Variants in DOCK8 observed in about 807,000 individuals in gnomAD.
The protein encoded by DOCK8 is dedicator of cytokinesis protein 8.
In DOCK8, 141 loss-of-function variants were observed where a neutral mutation model predicts 245.6. The observed-to-expected ratio is 0.57, with a 90% CI of 0.50 to 0.66. The LOEUF (loss-of-function observed/expected upper bound fraction) is 0.66, where lower values mean the gene tolerates loss of function less well. Ranked by LOEUF, DOCK8 falls within the 30% of genes least tolerant of loss-of-function variation. The probability of loss-of-function intolerance (pLI) is 0.00; values close to 1 mark genes in which losing one functional copy is unlikely to be tolerated. For synonymous variants in DOCK8, 1,168 were observed against 970.2 expected (o/e 1.20, Z -3.79); for missense variants, 2,965 against 2,603.4 (o/e 1.14, Z -3.02).
chr9:353,320 T>A (rs780206237), intron 14 of DOCK8, among the ~76,000 whole-genome samples: 41 of 152,188 alleles, frequency 2.7e-4, no homozygotes, highest in Admixed American at 1.3e-4. Context: ...ACCTGCTGCT[T>A]CCCCTGATTC....
intron 1 of DOCK8, among the ~76,000 whole-genome samples, chr9:263,827 A>G (rs932406912): frequency 1.6e-4 from 24 of 152,206 alleles, no homozygotes; most frequent in African/African-American, 5.5e-4. Flanking sequence ...TGTTGGTTGC[A>G]TTATTACACT....
At chr9:254,153 G>A (rs2047715577) in intron 1 of DOCK8, among the ~76,000 whole-genome samples, 1 of 152,082 alleles carries the variant, frequency 6.6e-6, no homozygotes, top group African/African-American at 2.4e-5. Context: ...CCAGACCCAG[G>A]GCAGAATTTG....
intron 14 of DOCK8, among the ~76,000 whole-genome samples, chr9:359,803 C>CA (rs67236172): frequency 0.042 from 4,575 of 107,966 alleles, 122 homozygotes; most frequent in East Asian, 0.15. Context: ...TCTGTCTTTG[C>CA]AAAAAAAAAA....
At chr9:332,104 A>G (rs887046011) in intron 9 of DOCK8, among the ~76,000 whole-genome samples, 3 of 152,224 alleles carry the variant, frequency 2.0e-5, no homozygotes, top group African/African-American at 7.2e-5. Context: ...AAATACACAT[A>G]AGCAATGGGA....
At chr9:285,273 G>A (rs2048770840) in intron 2 of DOCK8, among the ~76,000 whole-genome samples, 1 of 152,104 alleles carries the variant, frequency 6.6e-6, no homozygotes, top group South Asian at 2.1e-4. Flanking sequence ...CTCTTCAACA[G>A]CGCTTTGTCT....
chr9:244,251 A>G (rs1041285735), intron 1 of DOCK8, among the ~76,000 whole-genome samples: 1 of 151,082 alleles, frequency 6.6e-6, no homozygotes, highest in Non-Finnish European at 1.5e-5. Flanking sequence ...ATGAAAATAC[A>G]CTTTACAATC....
At chr9:239,212 G>T (rs2047328132) in intron 1 of DOCK8, among the ~76,000 whole-genome samples, 1 of 152,140 alleles carries the variant, frequency 6.6e-6, no homozygotes, top group Non-Finnish European at 1.5e-5. Flanking sequence ...CACACGCATG[G>T]CCGCACACAC....
chr9:373,709 C>G (rs1210455170), intron 18 of DOCK8, among the ~76,000 whole-genome samples: 1 of 152,094 alleles, frequency 6.6e-6, no homozygotes, highest in Non-Finnish European at 1.5e-5. Context: ...TTTCTTTTTT[C>G]CTTAAAGAGA....
chr9:379,565 G>T (rs1248304682), intron 20 of DOCK8, among the ~76,000 whole-genome samples: 1 of 152,150 alleles, frequency 6.6e-6, no homozygotes, highest in Non-Finnish European at 1.5e-5. Context: ...TCAGTGGCAG[G>T]AGGAGGAAGT....
intron 21 of DOCK8, 103 bp from the exon 22 acceptor site, chr9:382,410 C>T (rs748428): frequency 9.1e-5 from 136 of 1,489,630 alleles, no homozygotes; most frequent in East Asian, 8.4e-4. Flanking sequence ...AGGCCTAATC[C>T]GGTGGCTTTT....
intron 11 of DOCK8, among the ~76,000 whole-genome samples, 193 bp downstream of exon 11, chr9:334,577 G>A (rs927276383): frequency 6.6e-6 from 1 of 152,276 alleles, no homozygotes; most frequent in South Asian, 2.1e-4. Context: ...AAATTATCAC[G>A]AACATTGGTG....
intron 1 of DOCK8, among the ~76,000 whole-genome samples, chr9:241,990 A>G (rs2047384511): frequency 6.6e-6 from 1 of 152,224 alleles, no homozygotes; most frequent in South Asian, 2.1e-4. Flanking sequence ...TCCACAAAGA[A>G]GAGCAGCTTA....
At chr9:254,550 T>A (rs1587669774) in intron 1 of DOCK8, among the ~76,000 whole-genome samples, 1 of 152,198 alleles carries the variant, frequency 6.6e-6, no homozygotes, top group East Asian at 1.9e-4. Flanking sequence ...TAAAGTGCCT[T>A]GAAAAACTTG....
intron 36 of DOCK8, among the ~76,000 whole-genome samples, chr9:430,651 C>T (rs1470336795): frequency 6.9e-6 from 1 of 145,356 alleles, no homozygotes; most frequent in Admixed American, 7.1e-5. Context: ...CACTGTATTC[C>T]AGCCTGAGAC....
chr9:267,125 T>C (rs1309358859), intron 1 of DOCK8, among the ~76,000 whole-genome samples: 1 of 152,266 alleles, frequency 6.6e-6, no homozygotes, highest in Admixed American at 6.5e-5. Flanking sequence ...GGAAACTTAA[T>C]AGCTGACATT....
chr9:406,785 G>C (rs2055442269), intron 27 of DOCK8, 145 bp from the exon 28 acceptor site: 3 of 979,124 alleles, frequency 3.1e-6, no homozygotes, highest in South Asian at 2.6e-5. Flanking sequence ...CAGTTTCCTT[G>C]TCCGCCTTAT....
chr9:300,695 T>C (rs1184213946), intron 4 of DOCK8, among the ~76,000 whole-genome samples: 7 of 151,846 alleles, frequency 4.6e-5, no homozygotes, highest in Non-Finnish European at 2.9e-5. Context: ...ATATAAAAAA[T>C]CCTCAGAGAC....
At chr9:318,085 A>G (rs1288245188) in intron 7 of DOCK8, among the ~76,000 whole-genome samples, 1 of 152,228 alleles carries the variant, frequency 6.6e-6, no homozygotes, top group African/African-American at 2.4e-5. Context: ...AGATAAATCT[A>G]TATAAATTCT....
chr9:263,961 C>G (rs1003306948), intron 1 of DOCK8, among the ~76,000 whole-genome samples: 2 of 152,164 alleles, frequency 1.3e-5, no homozygotes, highest in African/African-American at 4.8e-5. Context: ...ATTTATAGAA[C>G]TTTATGAAGC....
Sources: allele counts gnomAD v4.1 joint callset (sites outside exome capture counted in the v4.1 genomes callset), GRCh38; gene constraint gnomAD v4.1.1; transcripts MANE v1.5; gene names NCBI Gene and HGNC (gene_info 2026-07-23, HGNC 2026-07-21).